HTT: variants seen among roughly 807,000 people sequenced by gnomAD.
The protein encoded by HTT is huntingtin.
Under a neutral mutation model 362.3 loss-of-function variants are expected in HTT, and 104 were observed. The observed-to-expected ratio is 0.29, with a 90% CI of 0.24 to 0.34. HTT has a LOEUF of 0.34. Among genes scored for constraint, HTT ranks in the 10% least tolerant of loss-of-function variants. The pLI, the probability that HTT is intolerant of heterozygous loss-of-function variation, is 1.00. For missense variants in HTT, 3,301 were observed against 3,928.6 expected (o/e 0.84, Z 4.27); for synonymous variants, 1,577 against 1,548.7 (o/e 1.02, Z -0.43).
At chr4:3,226,189 C>T (rs1038645365) in intron 57 of HTT, among the ~76,000 whole-genome samples, 2 of 152,000 alleles carry the variant, frequency 1.3e-5, no homozygotes, top group Non-Finnish European at 2.9e-5. Flanking sequence ...TTGGGGGGCT[C>T]CCTGAGTGTC....
intron 14 of HTT, among the ~76,000 whole-genome samples, chr4:3,130,867 C>T (rs1401434979): frequency 1.3e-5 from 2 of 152,160 alleles, no homozygotes; most frequent in Admixed American, 1.3e-4. Flanking sequence ...AGAATTATAG[C>T]CTTTGGCATC....
At chr4:3,211,031 T>G (rs975508165) in intron 47 of HTT, among the ~76,000 whole-genome samples, 2 of 150,554 alleles carry the variant, frequency 1.3e-5, no homozygotes, top group Admixed American at 1.3e-4. Context: ...GCCTCCCAAA[T>G]AGCTGGTATT....
intron 3 of HTT, among the ~76,000 whole-genome samples, chr4:3,103,301 T>G (rs951569370): frequency 2.0e-5 from 3 of 146,436 alleles, no homozygotes; most frequent in Non-Finnish European, 3.0e-5. Context: ...CTTGGCTCAC[T>G]GCAACCTCCG....
At chr4:3,199,999 C>A in intron 41 of HTT, 60 bp downstream of exon 41, 1 of 1,417,278 alleles carries the variant, frequency 7.1e-7, no homozygotes, top group East Asian at 2.4e-5. Flanking sequence ...CTGAGACTCC[C>A]AGTAACCTGA....
chr4:3,116,695 T>G (rs1715045466), intron 8 of HTT, among the ~76,000 whole-genome samples: 1 of 152,182 alleles, frequency 6.6e-6, no homozygotes, highest in Non-Finnish European at 1.5e-5. Flanking sequence ...TGGTATATGC[T>G]CACTCAAGGA....
intron 61 of HTT, among the ~76,000 whole-genome samples, chr4:3,234,172 T>G (rs901879460): frequency 2.2e-4 from 34 of 152,214 alleles, no homozygotes; most frequent in Admixed American, 5.2e-4. Flanking sequence ...AAGGTCTCTG[T>G]AGGCACAGTT....
At chr4:3,192,159 C>G in intron 40 of HTT, among the ~76,000 whole-genome samples, 1 of 152,172 alleles carries the variant, frequency 6.6e-6, no homozygotes, top group East Asian at 1.9e-4. Flanking sequence ...ACTCTAGCCT[C>G]GAACTCCTGG....
chr4:3,086,188 T>G (rs958478666), intron 1 of HTT, among the ~76,000 whole-genome samples: 2 of 152,214 alleles, frequency 1.3e-5, no homozygotes, highest in Non-Finnish European at 2.9e-5. Context: ...ACTATACCAC[T>G]GGTTGTAAGA....
rs1427802356 is a variant in HTT, at chr4:3,207,005, A to T, written c.6075+22A>T. On this transcript the variant is annotated intron_variant, in intron 44 of 66. Transcript: ENST00000355072. The stretch of plus-strand genomic sequence containing the variant: ...ACAGGTATTGGGAAGAGAAACCCTG[A>T]TATTGATTTATATTGAAAATTTAGC... 4 of 1,575,660 alleles carry T rather than the reference A, an allele frequency of 2.5e-6. No homozygotes were observed. In the African/African-American group the frequency reaches 4.1e-5, roughly 16 times the overall value.
chr4:3,128,917 A>G (rs574449787), intron 12 of HTT: 1 of 152,318 alleles, frequency 6.6e-6, no homozygotes, highest in African/African-American at 2.4e-5. Context: ...CTCTGTTCCC[A>G]TTGAACTCTA....
At position 3,218,449 on chromosome 4, in the gene HTT, A is replaced by G. The variant is rs1040741612; in HGVS notation, c.7242+497A>G. On this transcript the variant is annotated intron_variant, in intron 52 of 66. Transcript: ENST00000355072. The surrounding 1 kb of genome is among the most constrained non-coding windows in gnomAD (Gnocchi z 4.4). ...GGATTTCGAGACCAGCCTGGCCAAC[A>G]TGGTGAAACCCCATCTCTACTAAAA... Among the ~76,000 whole-genome samples, 2 of 152,134 alleles carry G rather than the reference A, an allele frequency of 1.3e-5. No individual in the cohort carries two copies. The highest frequency in any genetic ancestry group is 2.4e-5 in the African/African-American group (1 of 41,418).
intron 5 of HTT, 99 bp downstream of exon 5, chr4:3,105,535 C>G: frequency 1.2e-6 from 1 of 831,520 alleles, no homozygotes; most frequent in Non-Finnish European, 2.1e-6. Flanking sequence ...CTGCTCTGCC[C>G]TCTCCAAATT....
intron 42 of HTT, among the ~76,000 whole-genome samples, chr4:3,205,983 A>T (rs150124544): frequency 7.2e-5 from 11 of 152,350 alleles, no homozygotes; most frequent in African/African-American, 2.6e-4. Context: ...GGATCCATTC[A>T]TATTTTGGAT....
rs991658784 is a variant in HTT at position 3,216,839 on chromosome 4, A to C, written c.7055-926A>C. Among the ~76,000 whole-genome samples, 108 of 151,944 alleles carry C rather than the reference A, an allele frequency of 7.1e-4. 1 individual carries two copies. Among genetic ancestry groups the C allele is most frequent in the Non-Finnish European group, 5.6e-4 (38 of 67,924 alleles). ...AGGAGATCGAGACCATCCCAGCTAAAACGGTGAAACCCCGTCTCTACTAAA... is the reference window on the plus strand; with the variant it reads ...AGGAGATCGAGACCATCCCAGCTAACACGGTGAAACCCCGTCTCTACTAAA... On this transcript the variant is annotated intron_variant, in intron 51 of 66. Transcript: ENST00000355072.
intron 32 of HTT, 42 bp from the exon 33 acceptor site, chr4:3,174,904 G>C (rs372182153): frequency 1.9e-6 from 3 of 1,549,320 alleles, no homozygotes; most frequent in African/African-American, 2.7e-5. Context: ...TTAGTTGAAG[G>C]CTTACTTATG....
chr4:3,184,122 T>C (rs1164735037), intron 37 of HTT, among the ~76,000 whole-genome samples: 3 of 150,228 alleles, frequency 2.0e-5, no homozygotes, highest in Non-Finnish European at 4.4e-5. Context: ...GCGGTGGGAG[T>C]GGCATTGTTC....
chr4:3,111,757 C>A (rs1011190761), intron 6 of HTT, among the ~76,000 whole-genome samples: 1 of 152,136 alleles, frequency 6.6e-6, no homozygotes, highest in East Asian at 1.9e-4. Flanking sequence ...GGGGGAGGGG[C>A]TGCTTCCTGG....
At chr4:3,154,495 G>C in intron 27 of HTT, 76 bp downstream of exon 27, 1 of 1,556,644 alleles carries the variant, frequency 6.4e-7, no homozygotes, top group Non-Finnish European at 8.7e-7. Context: ...TAAGTAACTT[G>C]GTGTTTTAGA....
At position 3,147,097 on chromosome 4, in the gene HTT, A is replaced by C. The variant is rs363151; in HGVS notation, c.3295+149A>C. On this transcript the variant is annotated intron_variant, in intron 25 of 66. Coordinates refer to ENST00000355072, the MANE Select transcript of HTT (RefSeq NM_001388492.1). ...TTTAGTCAAATTTCAGATGTTACCTATATGCATAAACACATGCAGTTGGCA... is the reference window on the plus strand; with the variant it reads ...TTTAGTCAAATTTCAGATGTTACCTCTATGCATAAACACATGCAGTTGGCA... 506 of 807,956 alleles carry C rather than the reference A, an allele frequency of 6.3e-4. 1 individual carries two copies. The Admixed American group carries it at 9.3e-3, about 15-fold the overall frequency. 50.0% of individuals were successfully genotyped at this position (807,956 alleles called of 1,614,324 possible).
Sources: allele counts gnomAD v4.1 joint callset (sites outside exome capture counted in the v4.1 genomes callset), GRCh38; gene constraint gnomAD v4.1.1; non-coding constraint Gnocchi (gnomAD v3.1); transcripts MANE v1.5; gene names NCBI Gene and HGNC (gene_info 2026-07-23, HGNC 2026-07-21).